Variants in PRKN observed in about 807,000 individuals in gnomAD.
The protein encoded by PRKN is parkin RBR E3 ubiquitin protein ligase.
PRKN carries 56 observed loss-of-function variants against 59.5 expected under a neutral mutation model. That is an observed-to-expected ratio of 0.94 (90% CI 0.76 to 1.18). The LOEUF is 1.18. PRKN is among the 50% of genes most tolerant of loss of function. The pLI, the probability that PRKN is intolerant of heterozygous loss-of-function variation, is 0.00. For missense variants in PRKN, 657 were observed against 596.4 expected (o/e 1.10, Z -1.06); for synonymous variants, 250 against 222.1 (o/e 1.13, Z -1.12).
Position 161,402,996 on chromosome 6 carries a change from C to T in PRKN, c.1084-16119G>A, listed in dbSNP as rs1446808881. Among the ~76,000 whole-genome samples the T allele has an allele frequency of 1.3e-5, 2 of 152,044 alleles. No individual in the cohort carries two copies. The highest frequency in any genetic ancestry group is 6.6e-5 in the Admixed American group (1 of 15,254). On this transcript the variant is annotated intron_variant, in intron 9 of 11. Coordinates refer to ENST00000366898, the MANE Select transcript of PRKN (RefSeq NM_004562.3). This position sits in a 1 kb window ranked among gnomAD's most constrained non-coding sequence, Gnocchi z 4.5. ...CAGAGAAGCTAGTTCAGAGAAAGGC[C>T]CTCCCCGAATTTGCTGTTCCCCAAG...
At chr6:161,587,814 TTTGAA>T (rs2128139819) in intron 7 of PRKN, among the ~76,000 whole-genome samples, 1 of 152,244 alleles carries the variant, frequency 6.6e-6, no homozygotes, top group Admixed American at 6.5e-5. Flanking sequence ...TTAAAGGTGT[TTTGAA>T]CACATAAAAC....
At chr6:161,610,233 C>T (rs2128146372) in intron 7 of PRKN, among the ~76,000 whole-genome samples, 1 of 152,136 alleles carries the variant, frequency 6.6e-6, no homozygotes, top group Admixed American at 6.5e-5. Context: ...GGGAGCTGGC[C>T]TGTGGTGGGA....
At chr6:161,671,401 C>CT (rs1298428526) in intron 7 of PRKN, among the ~76,000 whole-genome samples, 1 of 152,174 alleles carries the variant, frequency 6.6e-6, no homozygotes, top group East Asian at 1.9e-4. Context: ...GCATTGTCAC[C>CT]TTCTGGGGTA....
chr6:162,403,112 T>C (rs1301909900), intron 2 of PRKN, among the ~76,000 whole-genome samples: 2 of 152,212 alleles, frequency 1.3e-5, no homozygotes, highest in Non-Finnish European at 2.9e-5. Flanking sequence ...TCAACATAAC[T>C]GGCCAACTTC....
At chr6:162,584,212 CAAAAAAA>C (rs777161921) in intron 1 of PRKN, among the ~76,000 whole-genome samples, 18 of 91,282 alleles carry the variant, frequency 2.0e-4, no homozygotes, top group Admixed American at 1.8e-3. Context: ...GACTCCGTCT[CAAAAAAA>C]AAAAACAAAA....
At chr6:161,913,753 A>G (rs965741732) in intron 6 of PRKN, among the ~76,000 whole-genome samples, 4 of 152,330 alleles carry the variant, frequency 2.6e-5, no homozygotes, top group East Asian at 3.9e-4. Flanking sequence ...CCCCAAATTC[A>G]TATGTTGAAA....
chr6:162,144,168 G>A (rs750743194), intron 4 of PRKN, among the ~76,000 whole-genome samples: 10 of 152,052 alleles, frequency 6.6e-5, no homozygotes, highest in East Asian at 1.9e-4. Flanking sequence ...CTGTTACCGC[G>A]CACACTTGGT....
intron 1 of PRKN, among the ~76,000 whole-genome samples, chr6:162,542,200 C>T (rs1386556086): frequency 6.6e-6 from 1 of 152,128 alleles, no homozygotes; most frequent in Non-Finnish European, 1.5e-5. Flanking sequence ...AGTATTTCAT[C>T]TCTTTTCCTT....
intron 2 of PRKN, among the ~76,000 whole-genome samples, chr6:162,427,600 C>T (rs1402608955): frequency 2.0e-5 from 3 of 151,234 alleles, no homozygotes; most frequent in African/African-American, 7.3e-5. Flanking sequence ...TAAAAGCATG[C>T]AAATTAGCAG....
At chr6:161,574,718 C>T (rs1387293619) in intron 7 of PRKN, among the ~76,000 whole-genome samples, 2 of 152,148 alleles carry the variant, frequency 1.3e-5, no homozygotes, top group Admixed American at 1.3e-4. Context: ...AGTGTTTGGA[C>T]ATCTATTGGC....
intron 9 of PRKN, among the ~76,000 whole-genome samples, chr6:161,476,698 C>T (rs905682012): frequency 6.6e-6 from 1 of 152,094 alleles, no homozygotes; most frequent in African/African-American, 2.4e-5. Context: ...TTGACACTGG[C>T]GGTTTAGTCA....
chr6:162,474,324 T>G (rs1185876875), intron 1 of PRKN, among the ~76,000 whole-genome samples: 1 of 152,200 alleles, frequency 6.6e-6, no homozygotes, highest in Non-Finnish European at 1.5e-5. Context: ...GTAATCTACA[T>G]GTATTTAATT....
chr6:162,594,554 C>T (rs1360060022), intron 1 of PRKN, among the ~76,000 whole-genome samples: 2 of 152,098 alleles, frequency 1.3e-5, no homozygotes, highest in Non-Finnish European at 2.9e-5. Flanking sequence ...ACTCCATATA[C>T]ATTTCTGCAA....
chr6:161,943,940 GCAGCCTGAGGGAT>G lies in PRKN; in HGVS notation c.734+29349_734+29361del, dbSNP rs879240095. 2.6e-3 allele frequency among the ~76,000 whole-genome samples: 129 copies of G among 50,290 alleles called. 2 individuals carry two copies. The highest frequency in any genetic ancestry group is 9.1e-3 in the African/African-American group (107 of 11,822). The allele number at this position is 50,290 out of a possible 152,430, so 33.0% of individuals were successfully genotyped here. Reference sequence around the variant, plus strand: ...AGCCTTGAGGAAGCAGCCTGAGGAAGCAGCCTGAGGGATCAGCCTTGAGGAAGCAGCCTGAGGA... The same window carrying G: ...AGCCTTGAGGAAGCAGCCTGAGGAAGCAGCCTTGAGGAAGCAGCCTGAGGA... On this transcript the variant is annotated intron_variant, in intron 6 of 11. Coordinates refer to ENST00000366898, the MANE Select transcript of PRKN (RefSeq NM_004562.3).
At chr6:161,485,962 C>G (rs1791625572) in intron 9 of PRKN, among the ~76,000 whole-genome samples, 1 of 152,016 alleles carries the variant, frequency 6.6e-6, no homozygotes, top group Non-Finnish European at 1.5e-5. Flanking sequence ...GGCTTTAAGA[C>G]TATAATTTTA....
At chr6:162,607,680 G>A (rs1781979300) in intron 1 of PRKN, among the ~76,000 whole-genome samples, 1 of 152,090 alleles carries the variant, frequency 6.6e-6, no homozygotes, top group African/African-American at 2.4e-5. Flanking sequence ...AGAAGTGATG[G>A]GATACAAAGC....
intron 1 of PRKN, among the ~76,000 whole-genome samples, chr6:162,534,640 T>C (rs1430241470): frequency 6.6e-6 from 1 of 152,148 alleles, no homozygotes; most frequent in Non-Finnish European, 1.5e-5. Flanking sequence ...CACATACATT[T>C]ATAGAATGTA....
At chr6:161,885,629 C>A (rs544202908) in intron 6 of PRKN, among the ~76,000 whole-genome samples, 35 of 147,410 alleles carry the variant, frequency 2.4e-4, no homozygotes, top group African/African-American at 8.6e-4. Context: ...TGCACCACTG[C>A]ACTCCAGCCT....
chr6:161,552,817 G>A lies in PRKN; in HGVS notation c.934-3814C>T, dbSNP rs917525189. 4.2e-5 allele frequency among the ~76,000 whole-genome samples: 6 copies of A among 141,582 alleles called. No homozygotes were observed. The highest frequency in any genetic ancestry group is 1.0e-4 in the African/African-American group (4 of 38,818). The allele number at this position is 141,582 out of a possible 152,430, so 92.9% of individuals were successfully genotyped here. ...TGTTTTTTGTTTTTTTTTTTTAGAC[G>A]GAGTCTCGTTGTTACGCGGCTGGAG... On this transcript the variant is annotated intron_variant, in intron 8 of 11. Coordinates refer to ENST00000366898, the MANE Select transcript of PRKN (RefSeq NM_004562.3). The surrounding 1 kb of genome is among the most constrained non-coding windows in gnomAD (Gnocchi z 4.9).
Sources: allele counts gnomAD v4.1 joint callset (sites outside exome capture counted in the v4.1 genomes callset), GRCh38; gene constraint gnomAD v4.1.1; non-coding constraint Gnocchi (gnomAD v3.1); transcripts MANE v1.5; gene names NCBI Gene and HGNC (gene_info 2026-07-23, HGNC 2026-07-21).